The following EYS variants were observed in gnomAD, a reference collection of about 807,000 sequenced individuals.
The protein encoded by EYS is EGF-like photoreceptor maintenance factor.
A neutral mutation model predicts 282.1 loss-of-function variants in EYS; 250 were observed. The ratio of observed to expected loss-of-function variants is 0.89; its 90% CI spans 0.80 to 0.98. The LOEUF (loss-of-function observed/expected upper bound fraction) is 0.98. EYS is among the 50% of genes least tolerant of loss of function. The pLI is 0.00. For synonymous variants in EYS, 1,355 were observed against 1,282.9 expected, an observed-to-expected ratio of 1.06 and a Z score of -1.20; for missense variants, 4,016 against 3,709.0, an observed-to-expected ratio of 1.08 and a Z score of -2.15.
chr6:65,555,829 A>T (rs1247985708), intron 2 of EYS, among the ~76,000 whole-genome samples: 1 of 152,242 alleles, frequency 6.6e-6, no homozygotes. Context: ...AGTATAAAAA[A>T]TGCAGATTTT....
intron 2 of EYS, among the ~76,000 whole-genome samples, chr6:65,625,968 A>T (rs1766674944): frequency 6.6e-6 from 1 of 152,126 alleles, no homozygotes; most frequent in Non-Finnish European, 1.5e-5. Flanking sequence ...TTTCCTGTGG[A>T]TGTTCTGAAA....
rs1223693086 is a variant in EYS, at chr6:64,591,945, T to C, written c.3922A>G (p.Thr1308Ala). The change falls in exon 26 of 43, where the codon ACT (threonine) becomes GCT (alanine). Residue 1308 changes from threonine (T) to alanine (A), a missense_variant. Transcript: ENST00000503581. ...CTAATTCTTAATGTTGCCAAACCAG[T>C]GGTTGGGAGAATGTCGTGCTTGACA... is the stretch of plus-strand genomic sequence containing the variant. ...GIVKHDILPT[T>A]GLATLRISTP... is the part of the protein sequence containing the mutation. 8.5e-6 allele frequency: 13 copies of C among 1,525,490 alleles called. No homozygotes were observed. In the Middle Eastern group the frequency reaches 6.8e-4, roughly 80 times the overall value. 94.5% of individuals were successfully genotyped at this position (1,525,490 alleles called of 1,614,324 possible).
chr6:64,779,436 G>GA (rs1314594293), intron 22 of EYS, among the ~76,000 whole-genome samples: 2 of 151,994 alleles, frequency 1.3e-5, no homozygotes, highest in African/African-American at 2.4e-5. Context: ...ATTCTGGAAA[G>GA]AAAAAACCAT....
At chr6:65,588,941 T>G (rs1396391082) in intron 2 of EYS, among the ~76,000 whole-genome samples, 2 of 152,050 alleles carry the variant, frequency 1.3e-5, no homozygotes, top group Admixed American at 1.3e-4. Flanking sequence ...GACTTTTATA[T>G]TTTTGAAACC....
At chr6:65,224,632 T>C (rs919978243) in intron 12 of EYS, among the ~76,000 whole-genome samples, 3 of 152,200 alleles carry the variant, frequency 2.0e-5, no homozygotes, top group Non-Finnish European at 4.4e-5. Flanking sequence ...GTTCTTTGAA[T>C]TGACAAACCT....
intron 30 of EYS, among the ~76,000 whole-genome samples, chr6:64,276,392 A>C (rs73766043): frequency 0.051 from 7,840 of 152,282 alleles, 652 homozygotes; most frequent in African/African-American, 0.18. Flanking sequence ...ATCTCTGTCC[A>C]TCAATTCCAA....
At chr6:64,822,362 G>C (rs1382554759) in intron 20 of EYS, among the ~76,000 whole-genome samples, 1 of 152,002 alleles carries the variant, frequency 6.6e-6, no homozygotes, top group African/African-American at 2.4e-5. Flanking sequence ...TTACCTGCTA[G>C]TTCTATTACC....
In EYS at chr6:64,912,652, G is replaced by A. The variant is rs1413321102; in HGVS notation, c.2473C>T (p.His825Tyr). The change falls in exon 16 of 43, where the codon CAT (histidine) becomes TAT (tyrosine). Residue 825 changes from histidine (H) to tyrosine (Y), a missense_variant. By Grantham distance (83) the His-to-Tyr change is moderately conservative. Transcript: ENST00000503581. ...SDPCMNGGLC[H>Y]ESTIPGQFVC... Reference sequence around the variant, plus strand: ...AATTGTCCAGGGATGGTAGATTCATGACAAAGACCTCCATTCATGCATGGA... The same window carrying A: ...AATTGTCCAGGGATGGTAGATTCATAACAAAGACCTCCATTCATGCATGGA... The A allele has an allele frequency of 6.5e-7, 1 of 1,548,762 alleles. No homozygotes were observed. Among genetic ancestry groups the A allele is most frequent in the Non-Finnish European group, 8.7e-7 (1 of 1,144,932 alleles).
intron 31 of EYS, among the ~76,000 whole-genome samples, chr6:64,216,212 T>C (rs1404196720): frequency 6.6e-6 from 1 of 151,598 alleles, no homozygotes; most frequent in Non-Finnish European, 1.5e-5. Context: ...CAGCTAGGAG[T>C]CCAAGAGAAG....
At chr6:65,074,361 T>G (rs1773985018) in intron 12 of EYS, among the ~76,000 whole-genome samples, 2 of 151,942 alleles carry the variant, frequency 1.3e-5, no homozygotes, top group Admixed American at 1.3e-4. Flanking sequence ...TTGTCCTGAA[T>G]GAATTCCGTG....
At chr6:64,183,675 TA>T (rs1295744392) in intron 31 of EYS, among the ~76,000 whole-genome samples, 2 of 152,134 alleles carry the variant, frequency 1.3e-5, no homozygotes, top group Non-Finnish European at 2.9e-5. Context: ...GTAAAAGCTA[TA>T]AAAAACACTT....
At chr6:65,174,515 T>A (rs930805879) in intron 12 of EYS, among the ~76,000 whole-genome samples, 1 of 151,302 alleles carries the variant, frequency 6.6e-6, no homozygotes, top group Middle Eastern at 3.2e-3. Context: ...TCACTGATGA[T>A]TTATGATAAT....
chr6:64,437,765 T>A (rs1305757408), intron 27 of EYS, among the ~76,000 whole-genome samples: 2 of 150,866 alleles, frequency 1.3e-5, no homozygotes, highest in African/African-American at 2.4e-5. Flanking sequence ...TTTGGCTCTA[T>A]CTCCCAGGCA....
chr6:64,315,114 A>G (rs1384078491), intron 29 of EYS, among the ~76,000 whole-genome samples: 1 of 152,222 alleles, frequency 6.6e-6, no homozygotes, highest in Admixed American at 6.5e-5. Context: ...TTTCACAGAA[A>G]TACAAACTAC....
Position 64,485,637 on chromosome 6 carries a change from T to C in EYS, c.5645-46285A>G, listed in dbSNP as rs557736056. Among the ~76,000 whole-genome samples, 5 of 151,578 alleles carry C rather than the reference T, an allele frequency of 3.3e-5. 1 individual carries two copies. In the South Asian group the frequency reaches 8.3e-4, roughly 25 times the overall value. On this transcript the variant is annotated intron_variant, in intron 26 of 42. Transcript: ENST00000503581. ...AACATTTCCTAGTTTTCTATAATCA[T>C]TTCACTTAGAAAATCCTCTCAATGA...
At chr6:64,101,325 C>G (rs768826094) in intron 31 of EYS, among the ~76,000 whole-genome samples, 1 of 152,042 alleles carries the variant, frequency 6.6e-6, no homozygotes, top group Non-Finnish European at 1.5e-5. Context: ...ACAGCACCAT[C>G]TCTCTCAATT....
intron 26 of EYS, among the ~76,000 whole-genome samples, chr6:64,465,345 C>T (rs1775883611): frequency 6.6e-6 from 1 of 152,084 alleles, no homozygotes; most frequent in South Asian, 2.1e-4. Flanking sequence ...AGGCAGCATA[C>T]TACTTGATTT....
Position 65,308,323 on chromosome 6 carries a change from A to T in EYS, c.1767-12204T>A, listed in dbSNP as rs541743702. On this transcript the variant is annotated intron_variant, in intron 11 of 42. Coordinates refer to ENST00000503581, the MANE Select transcript of EYS (RefSeq NM_001142800.2). ...ATGTCTTGCCTGACAAGTTTAAAAC[A>T]ACTTTCTTACCAGATATGCCATAAT... Among the ~76,000 whole-genome samples, 145 of 15,404 alleles carry T rather than the reference A, an allele frequency of 9.4e-3. 2 individuals are homozygous for T. Among genetic ancestry groups the T allele is most frequent in the African/African-American group, 0.028 (134 of 4,858 alleles). The allele number at this position is 15,404 out of a possible 152,430, so 10.1% of individuals were successfully genotyped here. A position where few individuals can be genotyped will look rare whatever the true frequency, so the allele number is the denominator to read the frequency against.
intron 12 of EYS, among the ~76,000 whole-genome samples, chr6:65,190,506 G>A (rs181054926): frequency 4.2e-4 from 63 of 151,420 alleles, no homozygotes; most frequent in African/African-American, 9.7e-4. Context: ...TGTGTCTGAC[G>A]AATAAGTTGT....
Sources: allele counts gnomAD v4.1 joint callset (sites outside exome capture counted in the v4.1 genomes callset), GRCh38; gene constraint gnomAD v4.1.1; transcripts MANE v1.5; gene names NCBI Gene and HGNC (gene_info 2026-07-23, HGNC 2026-07-21).